The following BMP6 variants were observed in gnomAD, a reference collection of about 807,000 sequenced individuals.
The protein encoded by BMP6 is VG-1-R.
BMP6 carries 17 observed loss-of-function variants against 54.1 expected under a neutral mutation model. The observed-to-expected ratio is 0.31, with a 90% CI of 0.22 to 0.47. The LOEUF (loss-of-function observed/expected upper bound fraction) is 0.47, where lower values mean the gene tolerates loss of function less well. Among genes scored for constraint, BMP6 ranks in the 20% least tolerant of loss-of-function variants. The pLI is 1.00. For synonymous variants in BMP6, 328 were observed against 291.2 expected, an observed-to-expected ratio of 1.13 and a Z score of -1.28; for missense variants, 720 against 690.4, an observed-to-expected ratio of 1.04 and a Z score of -0.48.
chr6:7,828,471 C>T (rs747681823), intron 1 of BMP6, among the ~76,000 whole-genome samples: 1 of 152,212 alleles, frequency 6.6e-6, no homozygotes, highest in Admixed American at 6.5e-5. Flanking sequence ...GTCCTGCACA[C>T]AGCTCAGCAT....
intron 1 of BMP6, among the ~76,000 whole-genome samples, chr6:7,840,440 C>T (rs896158151): frequency 3.3e-5 from 5 of 152,142 alleles, no homozygotes; most frequent in Admixed American, 1.3e-4. Context: ...AAATTGCATA[C>T]ATCCTTTTGT....
intron 1 of BMP6, among the ~76,000 whole-genome samples, chr6:7,763,547 T>C (rs1757644212): frequency 6.6e-6 from 1 of 152,160 alleles, no homozygotes; most frequent in Non-Finnish European, 1.5e-5. Context: ...GGTTTCATGC[T>C]AAAAGCTATT....
rs1202007991 is a variant in BMP6, at chr6:7,727,102, C to T, written c.147C>T (p.Ser49=). The T allele has an allele frequency of 1.1e-5, 15 of 1,404,838 alleles. No individual in the cohort carries two copies. The highest frequency in any genetic ancestry group is 4.5e-5 in the African/African-American group (3 of 66,748). 87.0% of individuals were successfully genotyped at this position (1,404,838 alleles called of 1,614,324 possible). A position where few individuals can be genotyped will look rare whatever the true frequency, so the allele number is the denominator to read the frequency against. The part of the protein sequence containing the change: ...AGGQLLGDGG[S]PGRTEQPPPS... ...GGCAGCTGCTGGGGGACGGCGGGAG[C>T]CCCGGCCGCACGGAGCAGCCGCCGC... is the stretch of plus-strand genomic sequence containing the variant. Residue 49 remains serine, a synonymous_variant, in exon 1 of 7, where the codon AGC becomes AGT. Transcript: ENST00000283147.
chr6:7,749,228 A>G (rs903881692), intron 1 of BMP6, among the ~76,000 whole-genome samples: 1 of 152,264 alleles, frequency 6.6e-6, no homozygotes, highest in Admixed American at 6.5e-5. Context: ...TGCCAGTATC[A>G]GGAAAATTCA....
At position 7,727,504 on chromosome 6, in the gene BMP6, C is replaced by T; in HGVS notation, c.549C>T (p.Asn183=). The T allele has an allele frequency of 6.3e-7, 1 of 1,596,536 alleles. No individual in the cohort carries two copies. The highest frequency in any genetic ancestry group is 8.5e-7 in the Non-Finnish European group (1 of 1,177,360). Residue 183 remains asparagine (N), a synonymous_variant, in exon 1 of 7, where the codon AAC becomes AAT. Transcript: ENST00000283147. ...QPPPGAAHPL[N]RKSLLAPGSG... is the part of the protein sequence containing the mutation. ...CCCCGGGCGCCGCGCACCCGCTCAA[C>T]CGCAAGAGCCTTCTGGCCCCCGGAT...
chr6:7,784,923 A>G (rs1233295818), intron 1 of BMP6, among the ~76,000 whole-genome samples: 1 of 152,204 alleles, frequency 6.6e-6, no homozygotes, highest in Non-Finnish European at 1.5e-5. Context: ...TGTTTATTAC[A>G]GTTTGAGGTG....
At chr6:7,822,030 T>C (rs899123335) in intron 1 of BMP6, among the ~76,000 whole-genome samples, 3 of 152,116 alleles carry the variant, frequency 2.0e-5, no homozygotes, top group African/African-American at 7.2e-5. Flanking sequence ...AGGGACTTTT[T>C]TTTTTTTGAG....
intron 1 of BMP6, among the ~76,000 whole-genome samples, chr6:7,822,944 C>T (rs1295598902): frequency 3.0e-5 from 4 of 133,902 alleles, no homozygotes; most frequent in Non-Finnish European, 4.8e-5. Context: ...TGTGTGTGTA[C>T]ACACTGGTAA....
rs200689151 is a variant in BMP6 at position 7,881,632 on chromosome 6, G to C, written c.*1289G>C. The stretch of plus-strand genomic sequence containing the variant: ...TGCAAAGCTGAAGTTGTGTGTACAA[G>C]ACTCTTGACAGTTGTGCTTCTCTAG... On this transcript the variant is annotated 3_prime_UTR_variant, in exon 7 of 7. Transcript: ENST00000283147. The C allele has an allele frequency of 0.21, 31,736 of 152,038 alleles. 4,817 individuals carry two copies. The highest frequency in any genetic ancestry group is 0.44 in the African/African-American group (18,090 of 41,376). 9.4% of individuals were successfully genotyped at this position (152,038 alleles called of 1,614,324 possible).
intron 1 of BMP6, among the ~76,000 whole-genome samples, chr6:7,792,904 T>G (rs945417674): frequency 6.6e-6 from 1 of 152,260 alleles, no homozygotes; most frequent in African/African-American, 2.4e-5. Context: ...TAACATAAAC[T>G]AACTGTTGTC....
chr6:7,791,169 A>G (rs1393864998), intron 1 of BMP6, among the ~76,000 whole-genome samples: 1 of 152,154 alleles, frequency 6.6e-6, no homozygotes, highest in Non-Finnish European at 1.5e-5. Flanking sequence ...GTATGAGAGG[A>G]TGGCAAAGTT....
At chr6:7,840,088 G>A (rs1758944173) in intron 1 of BMP6, among the ~76,000 whole-genome samples, 1 of 152,130 alleles carries the variant, frequency 6.6e-6, no homozygotes, top group African/African-American at 2.4e-5. Flanking sequence ...CCATTCACCC[G>A]CTGACAGGCA....
chr6:7,752,069 T>C (rs1757433893), intron 1 of BMP6, among the ~76,000 whole-genome samples: 1 of 152,224 alleles, frequency 6.6e-6, no homozygotes, highest in African/African-American at 2.4e-5. Context: ...AATAATTTTC[T>C]ACCTCCTTAA....
At chr6:7,745,244 A>G (rs1757329128) in intron 1 of BMP6, among the ~76,000 whole-genome samples, 1 of 152,224 alleles carries the variant, frequency 6.6e-6, no homozygotes, top group South Asian at 2.1e-4. Flanking sequence ...ATGCAGTGAC[A>G]GTGTGTCTCT....
chr6:7,732,317 TG>T (rs1761876348), intron 1 of BMP6, among the ~76,000 whole-genome samples: 2 of 152,208 alleles, frequency 1.3e-5, no homozygotes, highest in Non-Finnish European at 2.9e-5. Flanking sequence ...TGAAATTCAG[TG>T]GCATTTCAAC....
In BMP6 at chr6:7,821,935, G is replaced by A. The variant is rs74550963; in HGVS notation, c.665-23205G>A. Among the ~76,000 whole-genome samples the A allele has an allele frequency of 2.5e-3, 384 of 152,234 alleles. 11 individuals carry two copies. In the East Asian group the frequency reaches 0.052, roughly 20 times the overall value. ...GGGAATGAGATTTAACCTAAAATAG[G>A]GCTTACGGTTATGAATTTTAACTAT... On this transcript the variant is annotated intron_variant, in intron 1 of 6. Coordinates refer to ENST00000283147, the MANE Select transcript of BMP6 (RefSeq NM_001718.6).
intron 1 of BMP6, among the ~76,000 whole-genome samples, chr6:7,819,482 T>A (rs1220165921): frequency 6.6e-6 from 1 of 152,090 alleles, no homozygotes; most frequent in Non-Finnish European, 1.5e-5. Context: ...ACAATTGAAT[T>A]TGAATTTGGC....
chr6:7,804,435 G>C (rs1445956689), intron 1 of BMP6, among the ~76,000 whole-genome samples: 1 of 151,966 alleles, frequency 6.6e-6, no homozygotes, highest in Admixed American at 6.6e-5. Context: ...TAGAGGTGCT[G>C]GTTTATACAT....
chr6:7,727,705 A>G (rs1479069979), intron 1 of BMP6, 86 bp downstream of exon 1: 3 of 1,363,206 alleles, frequency 2.2e-6, no homozygotes, highest in African/African-American at 3.1e-5. Flanking sequence ...GGGGTGGAGG[A>G]GCTCCCGGCG....
Sources: allele counts gnomAD v4.1 joint callset (sites outside exome capture counted in the v4.1 genomes callset), GRCh38; gene constraint gnomAD v4.1.1; transcripts MANE v1.5; gene names NCBI Gene and HGNC (gene_info 2026-07-23, HGNC 2026-07-21).